The following NTPCR variants were observed in gnomAD, a reference collection of about 807,000 sequenced individuals.
NTPCR encodes nucleoside-triphosphatase, cancer-related, also known as cancer-related nucleoside-triphosphatase.
A neutral mutation model predicts 19.5 loss-of-function variants in NTPCR; 15 were observed. The ratio of observed to expected loss-of-function variants is 0.77; its 90% CI spans 0.51 to 1.18. The LOEUF is 1.18. Among genes scored for constraint, NTPCR ranks in the 50% most tolerant of loss-of-function variants. The pLI is 0.00. For missense variants in NTPCR, 206 were observed against 240.4 expected (o/e 0.86, Z 0.95); for synonymous variants, 90 against 95.8 (o/e 0.94, Z 0.36).
chr1:232,972,245 T>G (rs535336030), intron 4 of NTPCR, among the ~76,000 whole-genome samples: 14 of 152,310 alleles, frequency 9.2e-5, no homozygotes, highest in South Asian at 4.1e-4. Flanking sequence ...CCTGTTTTTT[T>G]TTGTTGTTGT....
intron 4 of NTPCR, among the ~76,000 whole-genome samples, chr1:232,974,627 T>C (rs144943153): frequency 3.9e-5 from 6 of 152,360 alleles, no homozygotes; most frequent in Non-Finnish European, 8.8e-5. Flanking sequence ...TAGTAAAGCA[T>C]CAGTAGAAGA....
At chr1:232,958,544 G>C (rs1668578523) in intron 3 of NTPCR, among the ~76,000 whole-genome samples, 1 of 152,188 alleles carries the variant, frequency 6.6e-6, no homozygotes, top group Non-Finnish European at 1.5e-5. Flanking sequence ...CTTATGGTCT[G>C]TTTCAGCAGG....
intron 4 of NTPCR, chr1:232,976,534 A>G (rs1374731349): frequency 6.6e-6 from 10 of 1,517,964 alleles, no homozygotes; most frequent in Non-Finnish European, 8.8e-6. Flanking sequence ...AATGCAAACA[A>G]CAGGAATGGA....
intron 3 of NTPCR, among the ~76,000 whole-genome samples, chr1:232,958,681 C>T (rs1038321352): frequency 2.0e-4 from 31 of 152,198 alleles, no homozygotes; most frequent in African/African-American, 3.9e-4. Context: ...TGGGGACTCT[C>T]GTGGCCACTG....
chr1:232,956,396 G>T lies in NTPCR; in HGVS notation c.247G>T (p.Val83Phe), dbSNP rs767780136. The part of the protein sequence containing the change: ...KRECRVGQYV[V>F]DLTSFEQLAL... ...TGAATGCCGAGTTGGGCAGTATGTG[G>T]TCGACCTGACTTCTTTTGAGCAGTT... Residue 83 changes from valine to phenylalanine, a missense_variant, in exon 3 of 5, where the codon GTC becomes TTC. Transcript: ENST00000366628. The T allele has an allele frequency of 6.2e-7, 1 of 1,614,000 alleles. No homozygotes were observed. Among genetic ancestry groups the T allele is most frequent in the Admixed American group, 1.7e-5 (1 of 60,024 alleles).
chr1:232,981,746 C>G lies in NTPCR; in HGVS notation c.*3515C>G, dbSNP rs1467880793. The G allele has an allele frequency of 7.3e-6, 1 of 136,366 alleles. No homozygotes were observed. The highest frequency in any genetic ancestry group is 1.5e-5 in the Non-Finnish European group (1 of 65,550). The allele number at this position is 136,366 out of a possible 1,614,324, so 8.4% of individuals were successfully genotyped here. A position where few individuals can be genotyped will look rare whatever the true frequency, so the allele number is the denominator to read the frequency against. Reference sequence around the variant, plus strand: ...TTTTTTTTTTTTTTTGAGACAGAGTCTCACTCTGTCGCTTGAGCTGGAGTG... The same window carrying G: ...TTTTTTTTTTTTTTTGAGACAGAGTGTCACTCTGTCGCTTGAGCTGGAGTG... On this transcript the variant is annotated 3_prime_UTR_variant, in exon 5 of 5. Coordinates refer to ENST00000366628, the MANE Select transcript of NTPCR (RefSeq NM_032324.3).
intron 4 of NTPCR, chr1:232,977,263 T>G (rs1351131048): frequency 6.6e-6 from 1 of 152,528 alleles, no homozygotes; most frequent in Non-Finnish European, 1.5e-5. Flanking sequence ...CCCCCCAGAC[T>G]CCTTCATTGT....
rs970807452 is a variant in NTPCR at position 232,981,142 on chromosome 1, G to C, written c.*2911G>C. The stretch of plus-strand genomic sequence containing the variant: ...GATCATACCGCCAGCTGCTTAACAC[G>C]TAATAGTTTAATAAATTGTTTCTTC... On this transcript the variant is annotated 3_prime_UTR_variant, in exon 5 of 5. Transcript: ENST00000366628. 1.3e-5 allele frequency: 2 copies of C among 152,170 alleles called. No individual in the cohort carries two copies. Among genetic ancestry groups the C allele is most frequent in the Non-Finnish European group, 2.9e-5 (2 of 68,038 alleles). The allele number at this position is 152,170 out of a possible 1,614,324, so 9.4% of individuals were successfully genotyped here.
chr1:232,959,557 T>G (rs988617712), intron 3 of NTPCR, among the ~76,000 whole-genome samples: 5 of 152,110 alleles, frequency 3.3e-5, no homozygotes, highest in African/African-American at 4.8e-5. Flanking sequence ...TGTTTTGTCT[T>G]TATACTAAAG....
intron 1 of NTPCR, among the ~76,000 whole-genome samples, chr1:232,951,920 C>T (rs1016844236): frequency 1.3e-5 from 2 of 152,040 alleles, no homozygotes; most frequent in Non-Finnish European, 2.9e-5. Context: ...GCAGGCTGAC[C>T]CCAAGACAAC....
At chr1:232,964,339 G>T (rs534562945) in intron 3 of NTPCR, 2 of 152,174 alleles carry the variant, frequency 1.3e-5, no homozygotes, top group South Asian at 4.1e-4. Context: ...ATCTGGAGGT[G>T]TGTGATGTTT....
At chr1:232,960,738 C>T (rs527416401) in intron 3 of NTPCR, among the ~76,000 whole-genome samples, 2 of 152,232 alleles carry the variant, frequency 1.3e-5, no homozygotes, top group African/African-American at 4.8e-5. Context: ...GTTCTAGACT[C>T]AGGAAGGTTT....
chr1:232,956,218 G>T (rs553145598), intron 2 of NTPCR, 129 bp from the exon 3 acceptor site: 3 of 685,728 alleles, frequency 4.4e-6, no homozygotes, highest in South Asian at 1.7e-5. Flanking sequence ...ACAGACCACC[G>T]CATTTTGTGT....
Position 232,980,662 on chromosome 1 carries a change from A to G in NTPCR, c.*2431A>G, listed in dbSNP as rs1323866829. 1 of 152,254 alleles carries G rather than the reference A, an allele frequency of 6.6e-6. No homozygotes were observed. Among genetic ancestry groups the G allele is most frequent in the African/African-American group, 2.4e-5 (1 of 41,462 alleles). 9.4% of individuals were successfully genotyped at this position (152,254 alleles called of 1,614,324 possible). A position where few individuals can be genotyped will look rare whatever the true frequency, so the allele number is the denominator to read the frequency against. ...AATGAAGGATAAGATGAATTCACAG[A>G]TAACTAGAACTCAGGGCCAAACGCA... is the stretch of plus-strand genomic sequence containing the variant. On this transcript the variant is annotated 3_prime_UTR_variant, in exon 5 of 5. Transcript: ENST00000366628.
At chr1:232,952,885 C>G (rs1182774864) in intron 1 of NTPCR, among the ~76,000 whole-genome samples, 2 of 152,156 alleles carry the variant, frequency 1.3e-5, no homozygotes, top group African/African-American at 2.4e-5. Context: ...GTACCCATGA[C>G]TCATCTTGGA....
chr1:232,951,038 G>C (rs1280658983), intron 1 of NTPCR: 1 of 410,208 alleles, frequency 2.4e-6, no homozygotes, highest in Non-Finnish European at 4.4e-6. Flanking sequence ...TCCTACTGTA[G>C]TGTTGACGTT....
At chr1:232,956,472 C>T (rs977960750) in intron 3 of NTPCR, 29 bp downstream of exon 3, 2 of 1,444,094 alleles carry the variant, frequency 1.4e-6, no homozygotes, top group Non-Finnish European at 9.7e-7. Flanking sequence ...CTTTTTGAAC[C>T]CATCTGCTCT....
chr1:232,972,563 C>G (rs914070429), intron 4 of NTPCR, among the ~76,000 whole-genome samples: 1 of 152,124 alleles, frequency 6.6e-6, no homozygotes, highest in Non-Finnish European at 1.5e-5. Context: ...AAAGCTGGGA[C>G]TACAGGCATG....
chr1:232,952,209 CATTT>C (rs1668384682), intron 1 of NTPCR, among the ~76,000 whole-genome samples: 1 of 151,974 alleles, frequency 6.6e-6, no homozygotes, highest in African/African-American at 2.4e-5. Context: ...ATTTCTTTTC[CATTT>C]ATTTATTTAT....
Sources: allele counts gnomAD v4.1 joint callset (sites outside exome capture counted in the v4.1 genomes callset), GRCh38; gene constraint gnomAD v4.1.1; transcripts MANE v1.5; gene names NCBI Gene and HGNC (gene_info 2026-07-23, HGNC 2026-07-21).